The following MS4A12 variants were observed in gnomAD, a reference collection of about 807,000 sequenced individuals.
MS4A12 encodes the protein membrane-spanning 4-domains subfamily A member 12.
MS4A12 carries 28 observed loss-of-function variants against 23.7 expected under a neutral mutation model. The ratio of observed to expected loss-of-function variants is 1.18; its 90% CI spans 0.88 to 1.62. MS4A12 has a LOEUF of 1.62. Ranked by LOEUF, MS4A12 falls within the 40% of genes most tolerant of loss-of-function variation. The probability of loss-of-function intolerance (pLI) is 0.00; values close to 1 mark genes in which losing one functional copy is unlikely to be tolerated. For synonymous variants in MS4A12, 108 were observed against 110.1 expected, an observed-to-expected ratio of 0.98 and a Z score of 0.12; for missense variants, 342 against 327.0, an observed-to-expected ratio of 1.05 and a Z score of -0.35.
At chr11:60,495,238 G>A (rs529639176) in intron 1 of MS4A12, among the ~76,000 whole-genome samples, 1 of 151,140 alleles carries the variant, frequency 6.6e-6, no homozygotes, top group African/African-American at 2.4e-5. Flanking sequence ...TCCTGACCTC[G>A]GGATCTGCCC....
Position 60,497,368 on chromosome 11 carries a change from C to T in MS4A12, c.50C>T (p.Pro17Leu), listed in dbSNP as rs780090697. Residue 17 changes from proline to leucine, a missense_variant, in exon 2 of 7, where the codon CCC becomes CTC. Physicochemically the swap from Pro to Leu is moderately conservative, Grantham distance 98. Transcript: ENST00000016913. ...TSHAEVNETI[P>L]NPYPPSSFMA... is the part of the protein sequence containing the mutation. ...CATGCTGAAGTAAATGAAACCATAC[C>T]CAACCCTTACCCACCAAGCAGCTTT... 2.9e-5 allele frequency: 47 copies of T among 1,613,986 alleles called. No individual in the cohort carries two copies. The highest frequency in any genetic ancestry group is 3.5e-5 in the Non-Finnish European group (41 of 1,180,022).
chr11:60,500,718 A>G (rs1224710666), intron 2 of MS4A12, among the ~76,000 whole-genome samples: 1 of 152,230 alleles, frequency 6.6e-6, no homozygotes, highest in Non-Finnish European at 1.5e-5. Flanking sequence ...CAGTTAAAGT[A>G]TTGTTTTTCT....
intron 2 of MS4A12, among the ~76,000 whole-genome samples, chr11:60,498,398 G>A (rs1193702760): frequency 1.3e-5 from 2 of 152,190 alleles, no homozygotes; most frequent in Non-Finnish European, 2.9e-5. Flanking sequence ...TTTTAGGGAA[G>A]TAAAAATGAG....
At chr11:60,504,100 T>C (rs929208456) in intron 5 of MS4A12, among the ~76,000 whole-genome samples, 4 of 152,214 alleles carry the variant, frequency 2.6e-5, no homozygotes, top group African/African-American at 9.6e-5. Context: ...TCTAAAATTG[T>C]CCAAAAATTA....
At chr11:60,503,083 C>T (rs77592278) in intron 4 of MS4A12, among the ~76,000 whole-genome samples, 1 of 152,164 alleles carries the variant, frequency 6.6e-6, no homozygotes, top group Non-Finnish European at 1.5e-5. Flanking sequence ...CTTGGTTTCA[C>T]AATTATTCTT....
At position 60,501,201 on chromosome 11, in the gene MS4A12, C is replaced by T. The variant is rs1278676356; in HGVS notation, c.414+19C>T. Reference sequence around the variant, plus strand: ...CCTTTCTGTGAGTAGATTGCTAGAACACCAGTCCTTCTTGGTTTATAAAGT... The same window carrying T: ...CCTTTCTGTGAGTAGATTGCTAGAATACCAGTCCTTCTTGGTTTATAAAGT... On this transcript the variant is annotated intron_variant, in intron 3 of 6. Transcript: ENST00000016913. 1.9e-6 allele frequency: 3 copies of T among 1,592,180 alleles called. No individual in the cohort carries two copies. The highest frequency in any genetic ancestry group is 2.7e-5 in the African/African-American group (2 of 73,500).
At chr11:60,502,158 T>A in intron 4 of MS4A12, 119 bp downstream of exon 4, 1 of 1,020,148 alleles carries the variant, frequency 9.8e-7, no homozygotes, top group Non-Finnish European at 1.5e-6. Context: ...CCAAAAAAAA[T>A]CTATTGGTTG....
chr11:60,496,735 T>C (rs1357643888), intron 1 of MS4A12, among the ~76,000 whole-genome samples: 1 of 152,214 alleles, frequency 6.6e-6, no homozygotes, highest in Non-Finnish European at 1.5e-5. Context: ...CAATACCAGC[T>C]CACTAGACTA....
chr11:60,501,860 T>A lies in MS4A12; in HGVS notation c.415-123T>A. ...AGAGTTACTCCAGAAAATTCAGAAG[T>A]GCGAGAGAAAATTTTGAGAAGGAAA... On this transcript the variant is annotated intron_variant, in intron 3 of 6. Transcript: ENST00000016913. 3 of 823,372 alleles carry A rather than the reference T, an allele frequency of 3.6e-6. No homozygotes were observed. The South Asian group carries it at 5.1e-5, about 14-fold the overall frequency. 51.0% of individuals were successfully genotyped at this position (823,372 alleles called of 1,614,324 possible).
chr11:60,499,553 A>C (rs1156630957), intron 2 of MS4A12, among the ~76,000 whole-genome samples: 1 of 152,234 alleles, frequency 6.6e-6, no homozygotes, highest in African/African-American at 2.4e-5. Flanking sequence ...CTATAAGCAA[A>C]AGTATGGTAT....
rs1166856084 is a variant in MS4A12 at position 60,497,391 on chromosome 11, T to C, written c.73T>C (p.Phe25Leu). The C allele has an allele frequency of 1.2e-6, 2 of 1,614,068 alleles. No individual in the cohort carries two copies. The highest frequency in any genetic ancestry group is 1.7e-6 in the Non-Finnish European group (2 of 1,180,030). Residue 25 changes from phenylalanine (F) to leucine (L), a missense_variant, in exon 2 of 7, where the codon TTT becomes CTT. By Grantham distance (22) the Phe-to-Leu change is conservative (BLOSUM62 0). Coordinates refer to ENST00000016913, the MANE Select transcript of MS4A12 (RefSeq NM_017716.3). Reference protein sequence around the residue: ...TIPNPYPPSSFMAPGFQQPLG... With the variant: ...TIPNPYPPSSLMAPGFQQPLG... ...ACCCAACCCTTACCCACCAAGCAGC[T>C]TTATGGCTCCTGGATTTCAACAGCC...
chr11:60,495,989 C>A (rs1174102530), intron 1 of MS4A12, among the ~76,000 whole-genome samples: 3 of 152,186 alleles, frequency 2.0e-5, no homozygotes, highest in African/African-American at 7.2e-5. Context: ...GGATTCTGAA[C>A]CAACAGCCAA....
At chr11:60,503,977 G>C (rs2086551659) in intron 5 of MS4A12, among the ~76,000 whole-genome samples, 160 bp downstream of exon 5, 1 of 152,170 alleles carries the variant, frequency 6.6e-6, no homozygotes. Flanking sequence ...ATAGAATAAA[G>C]TGAGAGGGTT....
At chr11:60,501,235 T>C (rs1431460268) in intron 3 of MS4A12, 53 bp downstream of exon 3, 3 of 1,516,086 alleles carry the variant, frequency 2.0e-6, no homozygotes, top group African/African-American at 2.8e-5. Context: ...GTATTCCCTC[T>C]TGGTTTATAA....
At chr11:60,505,841 C>T (rs2086566326) in intron 5 of MS4A12, among the ~76,000 whole-genome samples, 1 of 152,080 alleles carries the variant, frequency 6.6e-6, no homozygotes, top group Non-Finnish European at 1.5e-5. Flanking sequence ...TGCATGGTAC[C>T]CTACTACCAG....
rs1375872571 is a variant in MS4A12, at chr11:60,503,792, T to TA, written c.564dup (p.Ala189SerfsTer55). 6.2e-7 allele frequency: 1 copy of TA among 1,613,918 alleles called. No homozygotes were observed. The highest frequency in any genetic ancestry group is 1.1e-5 in the South Asian group (1 of 91,048). ...CTGGTGGATATGTGCATCAATGGGG[T>TA]AGCTGGCCAAGACTACTGGGCCGTG... On this transcript the variant is annotated frameshift_variant, in exon 5 of 7. Coordinates refer to ENST00000016913, the MANE Select transcript of MS4A12 (RefSeq NM_017716.3). LOFTEE classifies it high-confidence loss of function.
In MS4A12 at chr11:60,507,353, AT is replaced by A. The variant is rs2086578998; in HGVS notation, c.*231del. The A allele has an allele frequency of 2.0e-6, 1 of 494,212 alleles. No homozygotes were observed. The highest frequency in any genetic ancestry group is 3.6e-6 in the Non-Finnish European group (1 of 279,256). The allele number at this position is 494,212 out of a possible 1,614,324, so 30.6% of individuals were successfully genotyped here. ...TGAAGGATCAGAGGACTGAAAAATG[AT>A]TCTGCAACTCTCTTAAAGTTAGAAA... is the stretch of plus-strand genomic sequence containing the variant. On this transcript the variant is annotated 3_prime_UTR_variant, in exon 7 of 7. Transcript: ENST00000016913.
At chr11:60,503,191 G>A (rs2086544046) in intron 4 of MS4A12, among the ~76,000 whole-genome samples, 2 of 152,054 alleles carry the variant, frequency 1.3e-5, no homozygotes, top group African/African-American at 4.8e-5. Flanking sequence ...TCTAAATTTG[G>A]GGGTTCATAT....
rs540180988 is a variant in MS4A12, at chr11:60,497,581, C to A, written c.263C>A (p.Ala88Glu). ...GCAGTAATGAACTTTAAAGAAGAAG[C>A]AAAGGCACTAGGGGTAAGTCTATTT... ...GTAVMNFKEEAKALGVIQIMV... is the reference protein window; with the variant it reads ...GTAVMNFKEEEKALGVIQIMV... Residue 88 changes from alanine to glutamate, a missense_variant, in exon 2 of 7, where the codon GCA (alanine) becomes GAA (glutamate). By Grantham distance (107) the Ala-to-Glu change is moderately radical (BLOSUM62 -1). Transcript: ENST00000016913. 2 of 1,613,860 alleles carry A rather than the reference C, an allele frequency of 1.2e-6. No individual in the cohort carries two copies. Among genetic ancestry groups the A allele is most frequent in the African/African-American group, 1.3e-5 (1 of 74,914 alleles).
Sources: allele counts gnomAD v4.1 joint callset (sites outside exome capture counted in the v4.1 genomes callset), GRCh38; gene constraint gnomAD v4.1.1; transcripts MANE v1.5; gene names NCBI Gene and HGNC (gene_info 2026-07-23, HGNC 2026-07-21).